Variants in IFT172 observed in about 807,000 individuals in gnomAD.
The protein encoded by IFT172 is intraflagellar transport 172, also known as intraflagellar transport protein 172 homolog.
Under a neutral mutation model 248.9 loss-of-function variants are expected in IFT172, and 164 were observed. That is an observed-to-expected ratio of 0.66 (90% confidence interval 0.58 to 0.75). The LOEUF (loss-of-function observed/expected upper bound fraction) is 0.75. IFT172 is among the 30% of genes least tolerant of loss of function. The pLI is 0.00. For synonymous variants in IFT172, 729 were observed against 791.6 expected, an observed-to-expected ratio of 0.92 and a Z score of 1.33; for missense variants, 1,950 against 2,192.4, an observed-to-expected ratio of 0.89 and a Z score of 2.21.
chr2:27,477,229 G>T lies in IFT172; in HGVS notation c.1313C>A (p.Pro438His). Residue 438 changes from proline (P) to histidine (H), a missense_variant, in exon 13 of 48, where the codon CCC becomes CAC. Pro to His is a moderately conservative substitution (Grantham distance 77). Around this residue, in one of 3 missense-constraint regions of IFT172, gnomAD observed 1,166 missense variants for 1,254.1 expected, o/e 0.93. Coordinates refer to ENST00000260570, the MANE Select transcript of IFT172 (RefSeq NM_015662.3). ...LGSVRTEFMN[P>H]HLISVRINER... ...CTTGTGAGGTTACCTGATGAGGTGG[G>T]GGTTCATGAATTCAGTGCGTACAGA... The T allele has an allele frequency of 6.2e-7, 1 of 1,613,602 alleles. No individual in the cohort carries two copies. Among genetic ancestry groups the T allele is most frequent in the South Asian group, 1.1e-5 (1 of 91,068 alleles).
At position 27,447,371 on chromosome 2, in the gene IFT172, T is replaced by G; in HGVS notation, c.4659+144A>C. On this transcript the variant is annotated intron_variant, in intron 42 of 47. Coordinates refer to ENST00000260570, the MANE Select transcript of IFT172 (RefSeq NM_015662.3). ...AAAACCTCAGCAAGGGCTAAAGATT[T>G]GTTTAGACAGAAGAGAAGCTGAAAG... 3 of 1,265,004 alleles carry G rather than the reference T, an allele frequency of 2.4e-6. No homozygotes were observed. The South Asian group carries it at 4.4e-5, about 19-fold the overall frequency. The allele number at this position is 1,265,004 out of a possible 1,614,324, so 78.4% of individuals were successfully genotyped here.
intron 15 of IFT172, chr2:27,471,556 T>C (rs779499328): frequency 3.6e-5 from 6 of 166,954 alleles, no homozygotes; most frequent in Non-Finnish European, 6.4e-5. Context: ...CAGTTCATGC[T>C]ATCAGATAAG....
chr2:27,459,938 G>A lies in IFT172; in HGVS notation c.2522-109C>T, dbSNP rs1403750028. ...AGAATAGGTAAGAAGGGGAGGAATG[G>A]AGGACTGGAGCCAGGCATCCTGAAC... On this transcript the variant is annotated intron_variant, in intron 23 of 47. Transcript: ENST00000260570. 2.8e-6 allele frequency: 4 copies of A among 1,446,062 alleles called. No homozygotes were observed. In the South Asian group the frequency reaches 5.1e-5, roughly 18 times the overall value. 89.6% of individuals were successfully genotyped at this position (1,446,062 alleles called of 1,614,324 possible).
intron 4 of IFT172, 74 bp downstream of exon 4, chr2:27,484,152 TG>T: frequency 6.3e-7 from 1 of 1,582,170 alleles, no homozygotes; most frequent in Non-Finnish European, 8.7e-7. Context: ...ATGCAACTCC[TG>T]GCTGTATTTA....
Position 27,461,522 on chromosome 2 carries a change from A to T in IFT172, c.2194-5T>A. 1 of 1,613,604 alleles carries T rather than the reference A, an allele frequency of 6.2e-7. No homozygotes were observed. Among genetic ancestry groups the T allele is most frequent in the Non-Finnish European group, 8.5e-7 (1 of 1,179,630 alleles). ...CTTCTCCAGGGCTGGGTGCCCCTGG[A>T]CATGCACAGAGGACAACTAGGAGTC... On this transcript the variant is annotated splice_polypyrimidine_tract_variant and splice_region_variant and intron_variant, in intron 21 of 47. Coordinates refer to ENST00000260570, the MANE Select transcript of IFT172 (RefSeq NM_015662.3).
intron 28 of IFT172, 30 bp downstream of exon 28, chr2:27,457,811 G>T (rs776800490): frequency 8.1e-6 from 13 of 1,614,174 alleles, no homozygotes; most frequent in Middle Eastern, 1.6e-4. Flanking sequence ...GGTTGGGGAA[G>T]AGATAGGGAG....
intron 3 of IFT172, 97 bp from the exon 4 acceptor site, chr2:27,484,363 G>A (rs920766278): frequency 2.3e-5 from 30 of 1,280,874 alleles, no homozygotes; most frequent in East Asian, 5.2e-5. Flanking sequence ...AGGCCGAGGC[G>A]GGAGGATCAT....
intron 43 of IFT172, 46 bp from the exon 44 acceptor site, chr2:27,446,034 G>C (rs751918930): frequency 6.2e-7 from 1 of 1,606,118 alleles, no homozygotes; most frequent in South Asian, 1.1e-5. Context: ...AGCTGGGTTT[G>C]AATGCTACTT....
chr2:27,453,868 C>A, intron 33 of IFT172, 114 bp downstream of exon 33: 1 of 1,399,472 alleles, frequency 7.1e-7, no homozygotes. Context: ...CTGTCTTCCC[C>A]ACTCCCCAAT....
At chr2:27,483,505 T>A in intron 6 of IFT172, 75 bp downstream of exon 6, 2 of 1,512,282 alleles carry the variant, frequency 1.3e-6, no homozygotes, top group Non-Finnish European at 1.8e-6. Context: ...CATACTATGG[T>A]CTTGCAGTCC....
At position 27,477,276 on chromosome 2, in the gene IFT172, A is replaced by G. The variant is rs746127806; in HGVS notation, c.1266T>C (p.Tyr422=). Residue 422 remains tyrosine (Y), a synonymous_variant, in exon 13 of 48, where the codon TAT becomes TAC. Coordinates refer to ENST00000260570, the MANE Select transcript of IFT172 (RefSeq NM_015662.3). ...FNAGELTLVE[Y]GNNDTLGSVR... is the part of the protein sequence containing the mutation. ...CAGAACCCAGGGTGTCATTATTCCC[A>G]TATTCCACCAGGGTTAGCTCTCCGG... The G allele has an allele frequency of 1.2e-6, 2 of 1,614,112 alleles. No individual in the cohort carries two copies. Among genetic ancestry groups the G allele is most frequent in the Non-Finnish European group, 1.7e-6 (2 of 1,180,014 alleles).
In IFT172 at chr2:27,445,336, T is replaced by G. The variant is rs1314426509; in HGVS notation, c.5028A>C (p.Ala1676=). Residue 1676 remains alanine (A), a synonymous_variant, in exon 46 of 48, where the codon GCA becomes GCC. Coordinates refer to ENST00000260570, the MANE Select transcript of IFT172 (RefSeq NM_015662.3). This position sits in a 1 kb window ranked among gnomAD's most constrained non-coding sequence, Gnocchi z 4.4. ...ERGAYEASLV[A]ASTGVRALPC... The stretch of plus-strand genomic sequence containing the variant: ...GCAGGGCTCGAACACCAGTGCTCGC[T>G]GCCACTAGGGAGGCCTCGTAGGCGC... The G allele has an allele frequency of 1.2e-6, 2 of 1,613,434 alleles. No homozygotes were observed. Among genetic ancestry groups the G allele is most frequent in the South Asian group, 2.2e-5 (2 of 90,998 alleles).
At chr2:27,449,951 C>T in intron 36 of IFT172, 47 bp downstream of exon 36, 2 of 1,533,322 alleles carry the variant, frequency 1.3e-6, no homozygotes, top group Non-Finnish European at 1.8e-6. Context: ...ACCCTTGCAC[C>T]CATCTCTGTG....
chr2:27,488,211 T>C (rs1299538680), intron 1 of IFT172, among the ~76,000 whole-genome samples: 1 of 152,074 alleles, frequency 6.6e-6, no homozygotes, highest in African/African-American at 2.4e-5. Context: ...TGGAGTGCAG[T>C]GGCACGATCT....
chr2:27,483,596 C>A lies in IFT172; in HGVS notation c.466G>T (p.Val156Leu), dbSNP rs1401986067. The change falls in exon 6 of 48, where the codon GTG (valine) becomes TTG (leucine). Residue 156 changes from valine to leucine, a missense_variant. Physicochemically the swap from Val to Leu is conservative, Grantham distance 32 (BLOSUM62 1). Transcript: ENST00000260570. ...STIYGTESYV[V>L]SLTTNCSGKG... Reference sequence around the variant, plus strand: ...TTTACTCACTTTGTTGTCAGGGACACCACGTAAGACTCTGTCCCATAGATG... The same window carrying A: ...TTTACTCACTTTGTTGTCAGGGACAACACGTAAGACTCTGTCCCATAGATG... 2.5e-6 allele frequency: 4 copies of A among 1,614,076 alleles called. No individual in the cohort carries two copies. Among genetic ancestry groups the A allele is most frequent in the Non-Finnish European group, 3.4e-6 (4 of 1,179,990 alleles).
intron 1 of IFT172, 34 bp from the exon 2 acceptor site, chr2:27,485,537 T>G: frequency 6.2e-7 from 1 of 1,612,542 alleles, no homozygotes; most frequent in Non-Finnish European, 8.5e-7. Flanking sequence ...CAAACCCATG[T>G]GCTGGTCTAG....
Position 27,447,539 on chromosome 2 carries a change from A to C in IFT172, c.4635T>G (p.Ser1545=). The C allele has an allele frequency of 2.5e-6, 4 of 1,614,134 alleles. No homozygotes were observed. Among genetic ancestry groups the C allele is most frequent in the Non-Finnish European group, 2.5e-6 (3 of 1,180,002 alleles). Residue 1545 remains serine, a synonymous_variant, in exon 42 of 48, where the codon TCT becomes TCG. Transcript: ENST00000260570. ...LLIAHYYATR[S]AAQSVKQLET... is the part of the protein sequence containing the mutation. ...CCAGCTGTTTGACACTCTGGGCTGC[A>C]GAGCGCGTGGCATAGTAATGAGCGA...
chr2:27,458,943 C>A, intron 25 of IFT172, 75 bp from the exon 26 acceptor site: 7 of 1,515,320 alleles, frequency 4.6e-6, no homozygotes, highest in Non-Finnish European at 6.3e-6. Context: ...AAAGAACAAA[C>A]CTTGGCTGGG....
chr2:27,449,919 C>T (rs1665502573), intron 36 of IFT172, 79 bp downstream of exon 36: 12 of 1,436,920 alleles, frequency 8.4e-6, no homozygotes, highest in Admixed American at 3.5e-5. Flanking sequence ...CCACCTCACA[C>T]ACCTTCCTGG....
Sources: gnomAD v4.1 joint callset for allele counts (sites outside exome capture counted in the v4.1 genomes callset) on GRCh38, gnomAD v4.1.1 for gene constraint, gnomAD v4.1.1 regional missense constraint, Gnocchi (gnomAD v3.1) non-coding constraint, MANE v1.5 for transcripts, NCBI Gene and HGNC (gene_info 2026-07-23, HGNC 2026-07-21) for gene names.